MINK1: variants seen among roughly 807,000 people sequenced by gnomAD.
The protein encoded by MINK1 is misshapen like kinase 1, also known as misshapen-like kinase 1.
A neutral mutation model predicts 178.4 loss-of-function variants in MINK1; 46 were observed. That is an observed-to-expected ratio of 0.26 (90% CI 0.20 to 0.33). The LOEUF (loss-of-function observed/expected upper bound fraction) is 0.33. Ranked by LOEUF, MINK1 falls within the 10% of genes least tolerant of loss-of-function variation. The pLI is 1.00. For synonymous variants in MINK1, 797 were observed against 709.7 expected, an observed-to-expected ratio of 1.12 and a Z score of -1.96; for missense variants, 1,366 against 1,814.9, an observed-to-expected ratio of 0.75 and a Z score of 4.49.
At chr17:4,889,506 A>C in intron 12 of MINK1, 141 bp from the exon 13 acceptor site, 2 of 731,562 alleles carry the variant, frequency 2.7e-6, no homozygotes, top group Non-Finnish European at 4.7e-6. Context: ...GGGGATGGGT[A>C]TAGTTGCAGA....
chr17:4,848,354 G>A (rs551921254), intron 1 of MINK1, among the ~76,000 whole-genome samples: 28 of 152,284 alleles, frequency 1.8e-4, no homozygotes, highest in South Asian at 6.2e-4. Flanking sequence ...ATACCCCTAT[G>A]CCTCAGTGTT....
At chr17:4,849,212 A>C (rs1911534658) in intron 1 of MINK1, among the ~76,000 whole-genome samples, 1 of 152,126 alleles carries the variant, frequency 6.6e-6, no homozygotes, top group Non-Finnish European at 1.5e-5. Flanking sequence ...TCTGAACACG[A>C]AACTCCTGTT....
chr17:4,878,447 G>A, intron 2 of MINK1, 65 bp downstream of exon 2: 1 of 1,415,944 alleles, frequency 7.1e-7, no homozygotes, highest in Non-Finnish European at 9.6e-7. Flanking sequence ...GGAGTGGAAG[G>A]AAGTAGATTC....
Position 4,889,732 on chromosome 17 carries a change from A to T in MINK1, c.1316A>T (p.Glu439Val). The change falls in exon 13 of 32, where the codon GAG (glutamate) becomes GTG (valine). Residue 439 changes from glutamate to valine, a missense_variant. Glu to Val is a moderately radical substitution (Grantham distance 121). Around this residue, in one of 14 missense-constraint regions of MINK1, gnomAD observed 87 missense variants for 78.9 expected, o/e 1.10. Coordinates refer to ENST00000355280, the MANE Select transcript of MINK1 (RefSeq NM_153827.5). ...RLEDMQALRR[E>V]EERRQAEREQ... Reference sequence around the variant, plus strand: ...GAGGACATGCAGGCTCTGCGGCGGGAGGAGGAGCGGCGGCAGGCGGAGCGC... The same window carrying T: ...GAGGACATGCAGGCTCTGCGGCGGGTGGAGGAGCGGCGGCAGGCGGAGCGC... The T allele has an allele frequency of 1.3e-6, 2 of 1,547,562 alleles. No homozygotes were observed. Among genetic ancestry groups the T allele is most frequent in the South Asian group, 2.4e-5 (2 of 84,334 alleles).
At position 4,881,269 on chromosome 17, in the gene MINK1, C is replaced by T. The variant is rs1489835565; in HGVS notation, c.306+12C>T. The T allele has an allele frequency of 5.9e-6, 9 of 1,536,422 alleles. No individual in the cohort carries two copies. Among genetic ancestry groups the T allele is most frequent in the Non-Finnish European group, 7.8e-6 (9 of 1,146,522 alleles). On this transcript the variant is annotated intron_variant, in intron 4 of 31. Coordinates refer to ENST00000355280, the MANE Select transcript of MINK1 (RefSeq NM_153827.5). ...ATGACCAGCTCTGGGTGAGAAACGCCCCCCTGCCCGCCTTCCCTCCCCGCA... is the reference window on the plus strand; with the variant it reads ...ATGACCAGCTCTGGGTGAGAAACGCTCCCCTGCCCGCCTTCCCTCCCCGCA...
rs541409687 is a variant in MINK1 at position 4,886,934 on chromosome 17, G to A, written c.950-176G>A. ...CTCAGCTGCCCTGGGACCCAGTCCC[G>A]GTCCTGTCCAGGCCCACACCTGAGA... is the stretch of plus-strand genomic sequence containing the variant. On this transcript the variant is annotated intron_variant, in intron 10 of 31. Transcript: ENST00000355280. This position sits in a 1 kb window ranked among gnomAD's most constrained non-coding sequence, Gnocchi z 6.1. Among the ~76,000 whole-genome samples, 5 of 149,700 alleles carry A rather than the reference G, an allele frequency of 3.3e-5. No individual in the cohort carries two copies. Among genetic ancestry groups the A allele is most frequent in the African/African-American group, 1.2e-4 (5 of 40,078 alleles).
chr17:4,840,310 C>T (rs1910015597), intron 1 of MINK1, among the ~76,000 whole-genome samples: 1 of 151,900 alleles, frequency 6.6e-6, no homozygotes, highest in African/African-American at 2.4e-5. Context: ...CAATTGAGGG[C>T]AAGAAGCCTG....
At chr17:4,875,167 G>A in intron 1 of MINK1, 1 of 520,044 alleles carries the variant, frequency 1.9e-6, no homozygotes, top group South Asian at 1.4e-5. Context: ...TATGGTCTTT[G>A]AGCCTCTAAT....
intron 1 of MINK1, among the ~76,000 whole-genome samples, chr17:4,865,440 T>A (rs1228191992): frequency 2.0e-5 from 3 of 150,086 alleles, no homozygotes; most frequent in East Asian, 2.0e-4. Context: ...TCTCAAAAAA[T>A]AAATAAATAA....
rs368988996 is a variant in MINK1 at position 4,893,048 on chromosome 17, C to T, written c.2381C>T (p.Ser794Leu). 3 of 1,570,528 alleles carry T rather than the reference C, an allele frequency of 1.9e-6. No homozygotes were observed. Among genetic ancestry groups the T allele is most frequent in the Non-Finnish European group, 2.6e-6 (3 of 1,160,050 alleles). ...GNKAKPDDHRSRPGRPADFVL... is the reference protein window; with the variant it reads ...GNKAKPDDHRLRPGRPADFVL... ...AAAGCCAAGCCCGACGACCACCGCT[C>T]ACGGCCAGGCCGGCCCGCAGTGAGT... Residue 794 changes from serine to leucine, a missense_variant, in exon 20 of 32, where the codon TCA becomes TTA. Around this residue, in one of 14 missense-constraint regions of MINK1, gnomAD observed 709 missense variants for 692.3 expected, o/e 1.02. Coordinates refer to ENST00000355280, the MANE Select transcript of MINK1 (RefSeq NM_153827.5).
rs918986343 is a variant in MINK1, at chr17:4,866,862, A to G, written c.58-11455A>G. 1.0e-3 allele frequency among the ~76,000 whole-genome samples: 152 copies of G among 152,074 alleles called. 1 individual carries two copies. The highest frequency in any genetic ancestry group is 3.4e-3 in the Middle Eastern group (1 of 294). ...GCCGAGGCAGGCGGATCACGAGGTCAGGAGATTGAGACCATCCTGGCCAAC... is the reference window on the plus strand; with the variant it reads ...GCCGAGGCAGGCGGATCACGAGGTCGGGAGATTGAGACCATCCTGGCCAAC... On this transcript the variant is annotated intron_variant, in intron 1 of 31. Transcript: ENST00000355280.
At chr17:4,867,099 A>AATG (rs1915113472) in intron 1 of MINK1, among the ~76,000 whole-genome samples, 1 of 144,344 alleles carries the variant, frequency 6.9e-6, no homozygotes, top group Non-Finnish European at 1.5e-5. Flanking sequence ...TAATAATAAT[A>AATG]ATAATAAACT....
chr17:4,839,623 C>T (rs1004394980), intron 1 of MINK1, among the ~76,000 whole-genome samples: 2 of 152,172 alleles, frequency 1.3e-5, no homozygotes, highest in Non-Finnish European at 2.9e-5. Context: ...ACCAACCAGT[C>T]CTTGACTTGA....
intron 1 of MINK1, among the ~76,000 whole-genome samples, chr17:4,870,816 C>T (rs973012582): frequency 3.3e-5 from 5 of 152,026 alleles, no homozygotes; most frequent in African/African-American, 1.2e-4. Flanking sequence ...CAAAGTGAGA[C>T]CCTGTCTCAA....
chr17:4,890,731 G>A lies in MINK1; in HGVS notation c.1562G>A (p.Arg521Gln), dbSNP rs1414854670. 10 of 1,545,984 alleles carry A rather than the reference G, an allele frequency of 6.5e-6. No individual in the cohort carries two copies. Among genetic ancestry groups the A allele is most frequent in the South Asian group, 2.4e-5 (2 of 83,910 alleles). ...CCCGCTGACAAACCAGCCTGGGCCC[G>A]AGAGGTACTCACTGCCTCCTTTGCC... ...MNPADKPAWA[R>Q]EVEERTRMNK... Residue 521 changes from arginine to glutamine, a missense_variant, in exon 14 of 32, where the codon CGA becomes CAA. By Grantham distance (43) the Arg-to-Gln change is conservative. Around this residue, in one of 14 missense-constraint regions of MINK1, gnomAD observed 709 missense variants for 692.3 expected, o/e 1.02. Transcript: ENST00000355280.
chr17:4,846,015 T>C (rs1910969158), intron 1 of MINK1, among the ~76,000 whole-genome samples: 1 of 152,188 alleles, frequency 6.6e-6, no homozygotes, highest in African/African-American at 2.4e-5. Context: ...TCCTTGCTAT[T>C]TACAGTTTCT....
Position 4,833,648 on chromosome 17 carries a change from C to T in MINK1, c.57+8C>T. The T allele has an allele frequency of 3.4e-6, 5 of 1,490,834 alleles. No homozygotes were observed. The highest frequency in any genetic ancestry group is 4.4e-6 in the Non-Finnish European group (5 of 1,126,538). 92.4% of individuals were successfully genotyped at this position (1,490,834 alleles called of 1,614,324 possible). A position where few individuals can be genotyped will look rare whatever the true frequency, so the allele number is the denominator to read the frequency against. ...GACCTGTCCGCCCTGCGGGTGAGCG[C>T]GCCGTCCCCCAGCCTCGCCCTGGTT... On this transcript the variant is annotated splice_region_variant and intron_variant, in intron 1 of 31. Coordinates refer to ENST00000355280, the MANE Select transcript of MINK1 (RefSeq NM_153827.5). This position sits in a 1 kb window ranked among gnomAD's most constrained non-coding sequence, Gnocchi z 4.8.
chr17:4,849,650 G>A (rs745855568), intron 1 of MINK1, among the ~76,000 whole-genome samples: 3 of 152,082 alleles, frequency 2.0e-5, no homozygotes, highest in African/African-American at 4.8e-5. Flanking sequence ...TTGGCTCATC[G>A]CAACCTCCAT....
chr17:4,893,299 C>A, intron 20 of MINK1, 135 bp from the exon 21 acceptor site: 1 of 1,613,946 alleles, frequency 6.2e-7, no homozygotes, highest in Non-Finnish European at 8.5e-7. Flanking sequence ...TATAAGCGAG[C>A]AATTGGTGAG....
Sources: allele counts gnomAD v4.1 joint callset (sites outside exome capture counted in the v4.1 genomes callset), GRCh38; gene constraint gnomAD v4.1.1; regional missense constraint gnomAD v4.1.1; non-coding constraint Gnocchi (gnomAD v3.1); transcripts MANE v1.5; gene names NCBI Gene and HGNC (gene_info 2026-07-23, HGNC 2026-07-21).